PPFIA1: variants seen among roughly 807,000 people sequenced by gnomAD.
PPFIA1 encodes the protein liprin-alpha-1.
A neutral mutation model predicts 149.9 loss-of-function variants in PPFIA1; 25 were observed. That is an observed-to-expected ratio of 0.17 (90% CI 0.12 to 0.23). The LOEUF is 0.23. Ranked by LOEUF, PPFIA1 falls within the 10% of genes least tolerant of loss-of-function variation. The pLI, the probability that PPFIA1 is intolerant of heterozygous loss-of-function variation, is 1.00. For synonymous variants in PPFIA1, 549 were observed against 552.8 expected, an observed-to-expected ratio of 0.99 and a Z score of 0.10; for missense variants, 1,362 against 1,506.5, an observed-to-expected ratio of 0.90 and a Z score of 1.59.
At chr11:70,378,787 A>C (rs1057040112) in intron 26 of PPFIA1, among the ~76,000 whole-genome samples, 4 of 152,200 alleles carry the variant, frequency 2.6e-5, no homozygotes, top group Non-Finnish European at 5.9e-5. Context: ...CCAGAGAGAG[A>C]GCATCACTGC....
In PPFIA1 at chr11:70,339,274, C is replaced by G; in HGVS notation, c.1675C>G (p.Arg559Gly). 1 of 1,614,036 alleles carries G rather than the reference C, an allele frequency of 6.2e-7. No individual in the cohort carries two copies. Among genetic ancestry groups the G allele is most frequent in the Non-Finnish European group, 8.5e-7 (1 of 1,179,928 alleles). The change falls in exon 14 of 28, where the codon CGG (arginine) becomes GGG (glycine). Residue 559 changes from arginine (R) to glycine (G), a missense_variant. By Grantham distance (125) the Arg-to-Gly change is moderately radical. Coordinates refer to ENST00000253925, the MANE Select transcript of PPFIA1 (RefSeq NM_003626.5). The stretch of plus-strand genomic sequence containing the variant: ...AGTGCTGCGGCGCCCACAGAAAGGC[C>G]GGCTGGCAGCCCTGCGAGATGAGCC... ...SAVLRRPQKG[R>G]LAALRDEPSK...
intron 9 of PPFIA1, chr11:70,332,985 C>G (rs2054757642): frequency 4.4e-6 from 2 of 453,066 alleles, no homozygotes; most frequent in Non-Finnish European, 8.9e-6. Flanking sequence ...TTTCTTTTCT[C>G]CCCTGTTATC....
At chr11:70,376,467 C>G (rs879259459) in intron 24 of PPFIA1, 65 bp from the exon 25 acceptor site, 3 of 1,471,920 alleles carry the variant, frequency 2.0e-6, no homozygotes, top group African/African-American at 2.8e-5. Context: ...AAAACAATTA[C>G]GATGCTAACA....
chr11:70,359,257 T>C (rs1373094931), intron 19 of PPFIA1, among the ~76,000 whole-genome samples: 4 of 152,110 alleles, frequency 2.6e-5, no homozygotes, highest in Non-Finnish European at 5.9e-5. Context: ...CAAGTGATCT[T>C]CCTGCCTCTG....
At chr11:70,322,462 C>T (rs2054000193) in intron 2 of PPFIA1, among the ~76,000 whole-genome samples, 1 of 152,162 alleles carries the variant, frequency 6.6e-6, no homozygotes, top group African/African-American at 2.4e-5. Context: ...CCTCTCCCTA[C>T]CCTCCTCCCG....
intron 14 of PPFIA1, among the ~76,000 whole-genome samples, chr11:70,342,936 C>CTCTTT (rs2055427711): frequency 1.3e-5 from 1 of 78,172 alleles, no homozygotes; most frequent in African/African-American, 6.2e-5. Context: ...AATGTACCAC[C>CTCTTT]TTTTTTTTTT....
intron 21 of PPFIA1, chr11:70,365,106 T>C (rs1397402903): frequency 5.6e-6 from 1 of 179,578 alleles, no homozygotes; most frequent in Non-Finnish European, 1.2e-5. Context: ...GTACACAACG[T>C]GTTTTCTTCT....
At chr11:70,317,637 A>C (rs2053712267) in intron 2 of PPFIA1, among the ~76,000 whole-genome samples, 1 of 152,180 alleles carries the variant, frequency 6.6e-6, no homozygotes, top group South Asian at 2.1e-4. Context: ...AACCTTAGGG[A>C]AACTGTATGA....
At chr11:70,309,058 G>A (rs193079207) in intron 2 of PPFIA1, among the ~76,000 whole-genome samples, 8 of 151,786 alleles carry the variant, frequency 5.3e-5, no homozygotes, top group Non-Finnish European at 2.9e-5. Flanking sequence ...GTTTAAACAT[G>A]TTAATTAGAA....
intron 2 of PPFIA1, among the ~76,000 whole-genome samples, chr11:70,320,638 T>C (rs994135225): frequency 1.3e-5 from 2 of 151,972 alleles, no homozygotes; most frequent in African/African-American, 4.8e-5. Flanking sequence ...GGTCTCACTA[T>C]GTTGCCCAAG....
intron 2 of PPFIA1, among the ~76,000 whole-genome samples, chr11:70,307,595 C>T (rs746598292): frequency 2.6e-5 from 4 of 151,972 alleles, no homozygotes; most frequent in Non-Finnish European, 5.9e-5. Flanking sequence ...AAATTAAGTA[C>T]TTTTTCTAAA....
chr11:70,280,880 A>ATT (rs140102270), intron 2 of PPFIA1, among the ~76,000 whole-genome samples: 1 of 151,894 alleles, frequency 6.6e-6, no homozygotes, highest in African/African-American at 2.4e-5. Context: ...TAAAGTCCAG[A>ATT]TTTTTTTTAC....
At chr11:70,368,723 C>A (rs2057080115) in intron 21 of PPFIA1, among the ~76,000 whole-genome samples, 1 of 152,228 alleles carries the variant, frequency 6.6e-6, no homozygotes, top group African/African-American at 2.4e-5. Context: ...CATCCTGCAA[C>A]TTTGCTTAAA....
At chr11:70,295,106 G>T (rs1170337823) in intron 2 of PPFIA1, among the ~76,000 whole-genome samples, 8 of 152,036 alleles carry the variant, frequency 5.3e-5, no homozygotes, top group African/African-American at 1.7e-4. Context: ...GGGCAGAGGG[G>T]CTCCTTACTT....
intron 15 of PPFIA1, among the ~76,000 whole-genome samples, chr11:70,347,698 C>A (rs1313801238): frequency 6.6e-6 from 1 of 151,554 alleles, no homozygotes; most frequent in African/African-American, 2.4e-5. Context: ...AGTGTGAGAC[C>A]CTGTCTGAAA....
intron 2 of PPFIA1, among the ~76,000 whole-genome samples, chr11:70,291,958 C>T (rs2051557960): frequency 6.6e-6 from 1 of 151,924 alleles, no homozygotes; most frequent in South Asian, 2.1e-4. Context: ...CTGCCTCAGC[C>T]TCCCGAGTAG....
At chr11:70,356,107 C>T in intron 18 of PPFIA1, 54 bp from the exon 19 acceptor site, 1 of 1,377,078 alleles carries the variant, frequency 7.3e-7, no homozygotes, top group Non-Finnish European at 1.0e-6. Flanking sequence ...TTTATGAAAA[C>T]ATAGAGCTTT....
At chr11:70,301,136 C>T (rs1195201392) in intron 2 of PPFIA1, among the ~76,000 whole-genome samples, 2 of 152,190 alleles carry the variant, frequency 1.3e-5, no homozygotes, top group Non-Finnish European at 2.9e-5. Flanking sequence ...AGATAGTTCA[C>T]CTCTAAGACT....
At chr11:70,321,786 A>G (rs2053960173) in intron 2 of PPFIA1, among the ~76,000 whole-genome samples, 4 of 152,246 alleles carry the variant, frequency 2.6e-5, no homozygotes, top group Admixed American at 2.6e-4. Flanking sequence ...GCACAATGAT[A>G]AAATTCAAGG....
Sources: allele counts gnomAD v4.1 joint callset (sites outside exome capture counted in the v4.1 genomes callset), GRCh38; gene constraint gnomAD v4.1.1; transcripts MANE v1.5; gene names NCBI Gene and HGNC (gene_info 2026-07-23, HGNC 2026-07-21).